MRTFB: variants seen among roughly 807,000 people sequenced by gnomAD.
The protein encoded by MRTFB is myocardin related transcription factor B.
In MRTFB, 29 loss-of-function variants were observed where a neutral mutation model predicts 104.2. That is an observed-to-expected ratio of 0.28 (90% CI 0.21 to 0.38). MRTFB has a LOEUF of 0.38. MRTFB is among the 10% of genes least tolerant of loss of function. The pLI is 1.00. For synonymous variants in MRTFB, 535 were observed against 519.5 expected (o/e 1.03, Z -0.41); for missense variants, 1,270 against 1,341.6 (o/e 0.95, Z 0.83).
chr16:14,113,901 G>T (rs1047727467), intron 2 of MRTFB, among the ~76,000 whole-genome samples: 3 of 152,008 alleles, frequency 2.0e-5, no homozygotes, highest in African/African-American at 7.2e-5. Context: ...TGGTTTCATA[G>T]GTCTCTTGAA....
chr16:14,255,810 TAA>T (rs796096462), intron 15 of MRTFB, among the ~76,000 whole-genome samples: 3 of 148,138 alleles, frequency 2.0e-5, no homozygotes, highest in South Asian at 4.3e-4. Flanking sequence ...AGATAGCTTT[TAA>T]AAAAAAAAAT....
At chr16:14,230,301 G>C (rs1475930981) in intron 8 of MRTFB, among the ~76,000 whole-genome samples, 1 of 152,142 alleles carries the variant, frequency 6.6e-6, no homozygotes, top group Non-Finnish European at 1.5e-5. Flanking sequence ...TTAAACTAAA[G>C]AGCTTCTGCA....
intron 3 of MRTFB, among the ~76,000 whole-genome samples, chr16:14,176,143 T>C (rs966984567): frequency 6.6e-6 from 1 of 152,186 alleles, no homozygotes; most frequent in African/African-American, 2.4e-5. Context: ...CAACCAAAAA[T>C]ATATAACAAG....
At chr16:14,170,433 C>G (rs1447180112) in intron 3 of MRTFB, 2 of 152,158 alleles carry the variant, frequency 1.3e-5, no homozygotes, top group Admixed American at 6.5e-5. Flanking sequence ...AAAACAAAAA[C>G]TTCTGAAATA....
chr16:14,159,743 A>T (rs941172091), intron 3 of MRTFB, among the ~76,000 whole-genome samples: 1 of 151,410 alleles, frequency 6.6e-6, no homozygotes, highest in Non-Finnish European at 1.5e-5. Context: ...TCCCGGCTAA[A>T]ACGGTGAAAC....
intron 3 of MRTFB, among the ~76,000 whole-genome samples, chr16:14,160,753 A>G (rs1351012231): frequency 6.6e-6 from 1 of 151,986 alleles, no homozygotes; most frequent in African/African-American, 2.4e-5. Context: ...TATTTTTTTA[A>G]TTGGAAAGAG....
At position 14,259,304 on chromosome 16, in the gene MRTFB, G is replaced by A. The variant is rs1278465867; in HGVS notation, c.2764+1143G>A. Reference sequence around the variant, plus strand: ...TACAAAAATTAGCAAAAATTAGCCGGGTGTGGTGGCAGGCACCTTAAACTT... The same window carrying A: ...TACAAAAATTAGCAAAAATTAGCCGAGTGTGGTGGCAGGCACCTTAAACTT... On this transcript the variant is annotated intron_variant, in intron 16 of 16. Transcript: ENST00000571589. Among the ~76,000 whole-genome samples the A allele has an allele frequency of 5.3e-5, 8 of 150,752 alleles. No individual in the cohort carries two copies. The Admixed American group carries it at 5.3e-4, about 10-fold the overall frequency.
At chr16:14,071,557 G>C (rs2141750169) in intron 1 of MRTFB, among the ~76,000 whole-genome samples, 192 bp downstream of exon 1, 1 of 151,664 alleles carries the variant, frequency 6.6e-6, no homozygotes, top group African/African-American at 2.4e-5. Context: ...GGGCGGCCGG[G>C]GCCGCGGGCC....
chr16:14,026,542 A>G, the MRTFB span, among the ~76,000 whole-genome samples: 1 of 152,242 alleles, frequency 6.6e-6, no homozygotes, highest in African/African-American at 2.4e-5. Flanking sequence ...GAAAAAATTC[A>G]TAATTTGGAC....
intron 4 of MRTFB, among the ~76,000 whole-genome samples, 162 bp downstream of exon 4, chr16:14,210,470 T>C (rs766664147): frequency 2.6e-5 from 4 of 152,358 alleles, no homozygotes; most frequent in Non-Finnish European, 5.9e-5. Context: ...GTGAATCATT[T>C]AGAATACATT....
intron 2 of MRTFB, among the ~76,000 whole-genome samples, chr16:14,125,791 AT>A (rs1397302467): frequency 6.6e-6 from 1 of 152,158 alleles, no homozygotes; most frequent in Non-Finnish European, 1.5e-5. Flanking sequence ...GATGGTTAAC[AT>A]TTTTCATCTT....
intron 2 of MRTFB, among the ~76,000 whole-genome samples, chr16:14,099,540 T>A (rs2035581754): frequency 1.3e-5 from 2 of 151,838 alleles, no homozygotes; most frequent in African/African-American, 4.8e-5. Flanking sequence ...TTTTTTTGTA[T>A]TTTTTGTAGA....
At chr16:13,999,250 G>A in the MRTFB span, among the ~76,000 whole-genome samples, 1 of 151,684 alleles carries the variant, frequency 6.6e-6, no homozygotes, top group African/African-American at 2.4e-5. Flanking sequence ...GGGTAGGAGA[G>A]GATGAAACTG....
At chr16:14,248,700 G>A (rs2043126993) in intron 12 of MRTFB, 1 of 406,838 alleles carries the variant, frequency 2.5e-6, no homozygotes, top group Non-Finnish European at 4.3e-6. Flanking sequence ...AAAAATCTTA[G>A]CTACTTAGGA....
At chr16:14,045,164 C>G in the MRTFB span, among the ~76,000 whole-genome samples, 135,624 of 151,842 alleles carry the variant, frequency 0.89, 60,692 homozygotes, top group East Asian at 0.99. Flanking sequence ...CCTCCGTAGG[C>G]TACCTGGAAC....
intron 3 of MRTFB, among the ~76,000 whole-genome samples, chr16:14,188,948 A>T (rs2040058837): frequency 6.6e-6 from 1 of 151,964 alleles, no homozygotes; most frequent in African/African-American, 2.4e-5. Flanking sequence ...GAGAAACTTT[A>T]TATTTAAAAC....
chr16:14,056,062 T>A, the MRTFB span, among the ~76,000 whole-genome samples: 16,451 of 152,192 alleles, frequency 0.11, 1,149 homozygotes, highest in East Asian at 0.36. Context: ...CACTGCAACC[T>A]CTGCCTCCTG....
intron 2 of MRTFB, among the ~76,000 whole-genome samples, chr16:14,111,986 C>A (rs917729478): frequency 6.6e-6 from 1 of 152,158 alleles, no homozygotes; most frequent in Non-Finnish European, 1.5e-5. Context: ...TGGGTACCAT[C>A]CCCCCTGATC....
chr16:14,231,501 C>G (rs969862894), intron 8 of MRTFB, among the ~76,000 whole-genome samples: 1 of 152,054 alleles, frequency 6.6e-6, no homozygotes, highest in Admixed American at 6.6e-5. Context: ...AAGCCCAATA[C>G]TCAATAGTTA....
Sources: allele counts gnomAD v4.1 joint callset (sites outside exome capture counted in the v4.1 genomes callset), GRCh38; gene constraint gnomAD v4.1.1; transcripts MANE v1.5; gene names NCBI Gene and HGNC (gene_info 2026-07-23, HGNC 2026-07-21).